CCDC120: variants seen among roughly 807,000 people sequenced by gnomAD.
CCDC120 encodes coiled-coil domain-containing protein 120.
Under a neutral mutation model 37.6 loss-of-function variants are expected in CCDC120, and 16 were observed. That is an observed-to-expected ratio of 0.43 (90% CI 0.29 to 0.65). CCDC120 has a LOEUF of 0.65. CCDC120 is among the 30% of genes least tolerant of loss of function. The pLI, the probability that CCDC120 is intolerant of heterozygous loss-of-function variation, is 0.18. For missense variants in CCDC120, 650 were observed against 657.4 expected (o/e 0.99, Z 0.12); for synonymous variants, 309 against 275.4 (o/e 1.12, Z -1.21).
Position 49,064,030 on chromosome X carries a change from G to T in CCDC120, c.429+29G>T, listed in dbSNP as rs781931879. ...AGCAGATGGGTGTGGAGAGCAAGAG[G>T]GTGGGAAGAGGGGACAGGTACAGAG... On this transcript the variant is annotated intron_variant, in intron 5 of 10. Coordinates refer to ENST00000603986, the MANE Select transcript of CCDC120 (RefSeq NM_001163321.4). 5 of 1,169,242 alleles carry T rather than the reference G, an allele frequency of 4.3e-6. No homozygotes were observed. The South Asian group carries it at 9.9e-5, about 23-fold the overall frequency.
In CCDC120 at chrX:49,067,585, A is replaced by G. The variant is rs781979526; in HGVS notation, c.1471A>G (p.Ser491Gly). 8.5e-6 allele frequency: 10 copies of G among 1,178,716 alleles called. No homozygotes were observed. The highest frequency in any genetic ancestry group is 5.7e-5 in the South Asian group (3 of 52,446). Reference sequence around the variant, plus strand: ...TTCCTTGGACCGGGGCCTGCCCCGCAGTGGCGGTGGAACAGGCTGGGGGGA... The same window carrying G: ...TTCCTTGGACCGGGGCCTGCCCCGCGGTGGCGGTGGAACAGGCTGGGGGGA... ...DYSLDRGLPR[S>G]GGGTGWGELP... Residue 491 changes from serine (S) to glycine (G), a missense_variant, in exon 10 of 11, where the codon AGT becomes GGT. Physicochemically the swap from Ser to Gly is moderately conservative, Grantham distance 56 (BLOSUM62 0). This residue lies in a region of CCDC120 where 576 missense variants were observed against 565.3 expected (regional missense o/e 1.02). Transcript: ENST00000603986.
intron 5 of CCDC120, 151 bp from the exon 6 acceptor site, chrX:49,064,219 C>G (rs1693896008): frequency 1.3e-5 from 10 of 758,650 alleles, no homozygotes; most frequent in Non-Finnish European, 1.7e-5. Context: ...TGAACAGACC[C>G]AGCCCTTCAC....
chrX:49,058,997 CCA>C (rs2064851105), exon 1 of CCDC120: 2 of 112,691 alleles, frequency 1.8e-5, no homozygotes, highest in Admixed American at 1.9e-4. Context: ...AAGGCATCTG[CCA>C]CTGCTGCTGA....
At chrX:49,056,488 G>A (rs1203316318), upstream of CCDC120, among the ~76,000 whole-genome samples, 1 of 109,474 alleles carries the variant, frequency 9.1e-6, no homozygotes, top group Non-Finnish European at 1.9e-5. Flanking sequence ...TTAGCTGGGT[G>A]TGGTGGCACG....
chrX:49,059,331 G>T (rs1387974431), intron 1 of CCDC120: 5 of 752,735 alleles, frequency 6.6e-6, no homozygotes, highest in Non-Finnish European at 7.8e-6. Flanking sequence ...CCGATTCCCG[G>T]CCGGAAATGG....
At chrX:49,059,307 T>C in intron 1 of CCDC120, 1 of 752,930 alleles carries the variant, frequency 1.3e-6, no homozygotes, top group Non-Finnish European at 1.6e-6. Flanking sequence ...CCAATTTCCT[T>C]TCCTGGCACC....
Position 49,069,349 on chromosome X carries a change from C to A in CCDC120, c.*691C>A, listed in dbSNP as rs1557082590. The A allele has an allele frequency of 1.5e-4, 1 of 6,640 alleles. No homozygotes were observed. The allele number at this position is 6,640 out of a possible 1,213,427, so 0.5% of individuals were successfully genotyped here. On this transcript the variant is annotated 3_prime_UTR_variant, in exon 11 of 11. Transcript: ENST00000603986. ...CTGCCTACGGGCCACGGGCCACTCA[C>A]CACTCACACCTTCCTTGGCTTTCCT... is the stretch of plus-strand genomic sequence containing the variant.
upstream of CCDC120, among the ~76,000 whole-genome samples, chrX:49,054,996 G>C (rs1476105799): frequency 2.7e-5 from 3 of 112,096 alleles, no homozygotes; most frequent in African/African-American, 9.7e-5. Context: ...TGAAGATTCT[G>C]CTGTTCCCAG....
chrX:49,059,938 C>T (rs2064865333), intron 1 of CCDC120, among the ~76,000 whole-genome samples: 2 of 111,247 alleles, frequency 1.8e-5, no homozygotes, highest in African/African-American at 6.6e-5. Context: ...GGCAAGTATG[C>T]AGAGGGCAGG....
At chrX:49,054,126 C>T (rs1265358919), upstream of CCDC120, among the ~76,000 whole-genome samples, 1 of 111,422 alleles carries the variant, frequency 9.0e-6, no homozygotes, top group Non-Finnish European at 1.9e-5. Context: ...CCTGTTTTGT[C>T]CCCCTAAATC....
At chrX:49,065,185 A>G in intron 7 of CCDC120, 87 bp downstream of exon 7, 1 of 959,438 alleles carries the variant, frequency 1.0e-6, no homozygotes. Context: ...ATCCTGCATG[A>G]TCAGCCCATC....
At chrX:49,065,960 C>G (rs782471830) in intron 9 of CCDC120, 115 bp downstream of exon 9, 1 of 709,716 alleles carries the variant, frequency 1.4e-6, no homozygotes, top group Non-Finnish European at 2.0e-6. Context: ...CGGTGGCTCA[C>G]GCTTGTAATC....
chrX:49,057,936 T>C (rs139106055), upstream of CCDC120, among the ~76,000 whole-genome samples: 4,605 of 111,519 alleles, frequency 0.041, 79 homozygotes, highest in Non-Finnish European at 0.06. Flanking sequence ...AAAGCTCTCA[T>C]TTCCTTCTCT....
rs782584415 is a variant in CCDC120, at chrX:49,067,525, C to T, written c.1411C>T (p.Leu471Phe). Reference sequence around the variant, plus strand: ...CCCTGCCTCCCGAGGTGCCCCCCGGCTCCCACCTGTGTGTGGAGACTTCCT... The same window carrying T: ...CCCTGCCTCCCGAGGTGCCCCCCGGTTCCCACCTGTGTGTGGAGACTTCCT... ...AAPASRGAPR[L>F]PPVCGDFLLD... Residue 471 changes from leucine to phenylalanine, a missense_variant, in exon 10 of 11, where the codon CTC becomes TTC. This residue lies in a region of CCDC120 where 576 missense variants were observed against 565.3 expected (regional missense o/e 1.02). Coordinates refer to ENST00000603986, the MANE Select transcript of CCDC120 (RefSeq NM_001163321.4). 1 of 1,166,969 alleles carries T rather than the reference C, an allele frequency of 8.6e-7. No individual in the cohort carries two copies. The highest frequency in any genetic ancestry group is 1.1e-6 in the Non-Finnish European group (1 of 871,009).
At chrX:49,065,191 C>T in intron 7 of CCDC120, 93 bp downstream of exon 7, 1 of 932,480 alleles carries the variant, frequency 1.1e-6, no homozygotes, top group South Asian at 2.1e-5. Context: ...CATGATCAGC[C>T]CATCCTTTGA....
At chrX:49,065,288 CCCCAG>C (rs2064939733) in intron 7 of CCDC120, among the ~76,000 whole-genome samples, 161 bp from the exon 8 acceptor site, 1 of 111,339 alleles carries the variant, frequency 9.0e-6, no homozygotes, top group Non-Finnish European at 1.9e-5. Context: ...CCTCACCCCA[CCCCAG>C]CCCCACAGCC....
rs1316652646 is a variant in CCDC120, at chrX:49,067,654, G to A, written c.1540G>A (p.Asp514Asn). The A allele has an allele frequency of 1.7e-6, 2 of 1,201,845 alleles. No homozygotes were observed. Among genetic ancestry groups the A allele is most frequent in the Non-Finnish European group, 1.1e-6 (1 of 889,027 alleles). The change falls in exon 10 of 11, where the codon GAT becomes AAT. Residue 514 changes from aspartate (D) to asparagine (N), a missense_variant. Physicochemically the swap from Asp to Asn is conservative, Grantham distance 23 (BLOSUM62 1). Around this residue, in one of 3 missense-constraint regions of CCDC120, gnomAD observed 576 missense variants for 565.3 expected, o/e 1.02. Coordinates refer to ENST00000603986, the MANE Select transcript of CCDC120 (RefSeq NM_001163321.4). Reference protein sequence around the residue: ...AEVPGPLSRRDGLLTMLPGPP... With the variant: ...AEVPGPLSRRNGLLTMLPGPP... Reference sequence around the variant, plus strand: ...GGTCCCAGGACCCCTCTCCCGCCGGGATGGGCTCCTCACCATGCTCCCCGG... The same window carrying A: ...GGTCCCAGGACCCCTCTCCCGCCGGAATGGGCTCCTCACCATGCTCCCCGG...
In CCDC120 at chrX:49,062,538, G is replaced by A. The variant is rs1557079809; in HGVS notation, c.225G>A (p.Arg75=). Reference sequence around the variant, plus strand: ...TGCGGGGGCTGCTTGACCGGCAGCGGACCCTGCAGGAGGCCCTGAGCCTGA... The same window carrying A: ...TGCGGGGGCTGCTTGACCGGCAGCGAACCCTGCAGGAGGCCCTGAGCCTGA... The part of the protein sequence containing the change: ...ERLRGLLDRQ[R]TLQEALSLKL... The change falls in exon 4 of 11, where the codon CGG becomes CGA. Residue 75 remains arginine (R), a synonymous_variant. Coordinates refer to ENST00000603986, the MANE Select transcript of CCDC120 (RefSeq NM_001163321.4). The A allele has an allele frequency of 3.1e-5, 38 of 1,209,598 alleles. No individual in the cohort carries two copies. Among genetic ancestry groups the A allele is most frequent in the Non-Finnish European group, 4.1e-5 (37 of 895,032 alleles).
upstream of CCDC120, among the ~76,000 whole-genome samples, chrX:49,057,423 C>T (rs893862556): frequency 5.3e-5 from 6 of 112,367 alleles, no homozygotes; most frequent in Admixed American, 9.4e-5. Flanking sequence ...AGATTCTCAT[C>T]CCTCTTGGCT....
Sources: gnomAD v4.1 joint callset for allele counts (sites outside exome capture counted in the v4.1 genomes callset) on GRCh38, gnomAD v4.1.1 for gene constraint, gnomAD v4.1.1 regional missense constraint, MANE v1.5 for transcripts, NCBI Gene and HGNC (gene_info 2026-07-23, HGNC 2026-07-21) for gene names.